Variants in SMAD3 observed in about 807,000 individuals in gnomAD.
SMAD3 encodes SMAD family member 3.
SMAD3 carries 12 observed loss-of-function variants against 51.8 expected under a neutral mutation model. The ratio of observed to expected loss-of-function variants is 0.23; its 90% CI spans 0.15 to 0.38. The LOEUF (loss-of-function observed/expected upper bound fraction) is 0.38, where lower values mean the gene tolerates loss of function less well. Ranked by LOEUF, SMAD3 falls within the 10% of genes least tolerant of loss-of-function variation. The pLI, the probability that SMAD3 is intolerant of heterozygous loss-of-function variation, is 1.00. For synonymous variants in SMAD3, 238 were observed against 227.7 expected, an observed-to-expected ratio of 1.05 and a Z score of -0.41; for missense variants, 294 against 565.6, an observed-to-expected ratio of 0.52 and a Z score of 4.87.
At chr15:67,185,178 CTG>C in intron 7 of SMAD3, among the ~76,000 whole-genome samples, 1 of 152,334 alleles carries the variant, frequency 6.6e-6, no homozygotes, top group Non-Finnish European at 1.5e-5. Context: ...ATGCAGGGCT[CTG>C]TGCCAGGTGC....
intron 1 of SMAD3, among the ~76,000 whole-genome samples, chr15:67,073,907 A>G (rs1023156765): frequency 6.6e-6 from 1 of 152,152 alleles, no homozygotes; most frequent in Non-Finnish European, 1.5e-5. Flanking sequence ...TCCTGGCCTC[A>G]AGTGATCTGC....
intron 1 of SMAD3, among the ~76,000 whole-genome samples, chr15:67,145,746 G>A (rs887922709): frequency 3.3e-5 from 5 of 152,168 alleles, no homozygotes; most frequent in Non-Finnish European, 7.3e-5. Context: ...CGGAGATGAG[G>A]CACTTGACCT....
intron 1 of SMAD3, among the ~76,000 whole-genome samples, chr15:67,153,346 G>A (rs1204393858): frequency 6.6e-6 from 1 of 152,190 alleles, no homozygotes; most frequent in African/African-American, 2.4e-5. Flanking sequence ...GCAAAAATTA[G>A]CCAGGCGTGG....
At position 67,098,783 on chromosome 15, in the gene SMAD3, G is replaced by T. The variant is rs73481469; in HGVS notation, c.206+32423G>T. The T allele has an allele frequency of 2.7e-3, 1,786 of 666,850 alleles. 21 individuals are homozygous for T. Among genetic ancestry groups the T allele is most frequent in the African/African-American group, 0.025 (1,437 of 56,854 alleles). The allele number at this position is 666,850 out of a possible 1,614,324, so 41.3% of individuals were successfully genotyped here. ...GCCCCCGGAAGGCAGGTGGAAGTGG[G>T]CATGGAGGGTCCTACGCATCCCCAG... On this transcript the variant is annotated intron_variant, in intron 1 of 8. Transcript: ENST00000327367.
intron 1 of SMAD3, among the ~76,000 whole-genome samples, chr15:67,122,482 C>G (rs1320791542): frequency 6.6e-6 from 1 of 152,128 alleles, no homozygotes; most frequent in East Asian, 1.9e-4. Context: ...CTGGTGATCT[C>G]TTGGGTTTTT....
At chr15:67,177,338 C>T (rs1375867034) in intron 5 of SMAD3, among the ~76,000 whole-genome samples, 1 of 151,440 alleles carries the variant, frequency 6.6e-6, no homozygotes, top group Non-Finnish European at 1.5e-5. Flanking sequence ...GCCTTCTTTC[C>T]AGAGTCCTTT....
At chr15:67,177,191 T>A (rs1204821313) in intron 5 of SMAD3, among the ~76,000 whole-genome samples, 1 of 152,156 alleles carries the variant, frequency 6.6e-6, no homozygotes, top group African/African-American at 2.4e-5. Context: ...CCTGAGGAAC[T>A]AGTAAGCATT....
chr15:67,135,343 C>T (rs1036758901), intron 1 of SMAD3, among the ~76,000 whole-genome samples: 1 of 152,228 alleles, frequency 6.6e-6, no homozygotes, highest in Non-Finnish European at 1.5e-5. Flanking sequence ...CCTTCACAGT[C>T]CCCTGACTGC....
At chr15:67,146,123 C>T (rs573775651) in intron 1 of SMAD3, 35 of 152,356 alleles carry the variant, frequency 2.3e-4, no homozygotes, top group African/African-American at 7.9e-4. Flanking sequence ...CATGGTAAAA[C>T]TAGTTGTGGA....
intron 1 of SMAD3, among the ~76,000 whole-genome samples, chr15:67,139,592 A>G (rs759043885): frequency 5.3e-4 from 80 of 152,162 alleles, no homozygotes; most frequent in Non-Finnish European, 1.1e-3. Context: ...AGGGTTTGGT[A>G]TGGAAAGCAG....
intron 1 of SMAD3, among the ~76,000 whole-genome samples, chr15:67,084,421 C>T (rs1034653668): frequency 6.6e-6 from 1 of 152,138 alleles, no homozygotes; most frequent in Admixed American, 6.5e-5. Context: ...CTCTCCTTGG[C>T]TTCTTGCCTT....
In SMAD3 at chr15:67,134,327, C is replaced by T. The variant is rs137866440; in HGVS notation, c.207-30568C>T. 5.3e-5 allele frequency among the ~76,000 whole-genome samples: 8 copies of T among 152,242 alleles called. No homozygotes were observed. The East Asian group carries it at 1.4e-3, about 26-fold the overall frequency. ...GGTATTTGCAGCAGGAGCTCTTCTG[C>T]GATTCCCTAAGCTCAGATGAACGGG... On this transcript the variant is annotated intron_variant, in intron 1 of 8. Coordinates refer to ENST00000327367, the MANE Select transcript of SMAD3 (RefSeq NM_005902.4).
chr15:67,148,373 T>G (rs369468798), intron 1 of SMAD3, among the ~76,000 whole-genome samples: 2 of 152,236 alleles, frequency 1.3e-5, no homozygotes, highest in East Asian at 3.8e-4. Context: ...TATATCTGTG[T>G]GCTTTCTCCT....
intron 1 of SMAD3, among the ~76,000 whole-genome samples, chr15:67,089,179 C>T (rs967601496): frequency 6.6e-6 from 1 of 152,144 alleles, no homozygotes; most frequent in Non-Finnish European, 1.5e-5. Context: ...CTGAAGAGGC[C>T]AGGCTAGGAG....
chr15:67,119,572 G>A (rs1469018565), intron 1 of SMAD3, among the ~76,000 whole-genome samples: 2 of 152,180 alleles, frequency 1.3e-5, no homozygotes, highest in East Asian at 1.9e-4. Flanking sequence ...TGAAGCAGAT[G>A]GATGGAACCC....
intron 3 of SMAD3, 149 bp from the exon 4 acceptor site, chr15:67,166,630 C>A: frequency 1.4e-6 from 1 of 703,510 alleles, no homozygotes; most frequent in Non-Finnish European, 2.6e-6. Flanking sequence ...ACAACAGAAC[C>A]AAGAGCTGGA....
At chr15:67,133,337 A>G (rs2140255182) in intron 1 of SMAD3, among the ~76,000 whole-genome samples, 1 of 152,174 alleles carries the variant, frequency 6.6e-6, no homozygotes, top group South Asian at 2.1e-4. Flanking sequence ...GCCTATAGCC[A>G]TAATCTTTTA....
chr15:67,122,513 A>G (rs1961288093), intron 1 of SMAD3, among the ~76,000 whole-genome samples: 1 of 152,210 alleles, frequency 6.6e-6, no homozygotes, highest in African/African-American at 2.4e-5. Flanking sequence ...TTAGAGCCAA[A>G]AGAGGTCACA....
chr15:67,087,743 G>T (rs1222637685), intron 1 of SMAD3, among the ~76,000 whole-genome samples: 7 of 152,282 alleles, frequency 4.6e-5, no homozygotes, highest in Non-Finnish European at 2.9e-5. Context: ...TTAAGGTGGT[G>T]GGGGAGGTGG....
Sources: gnomAD v4.1 joint callset for allele counts (sites outside exome capture counted in the v4.1 genomes callset) on GRCh38, gnomAD v4.1.1 for gene constraint, MANE v1.5 for transcripts, NCBI Gene and HGNC (gene_info 2026-07-23, HGNC 2026-07-21) for gene names.